IFT52: variants seen among roughly 807,000 people sequenced by gnomAD.
IFT52 encodes the protein intraflagellar transport 52.
IFT52 carries 44 observed loss-of-function variants against 54.4 expected under a neutral mutation model. That is an observed-to-expected ratio of 0.81 (90% CI 0.63 to 1.04). The LOEUF is 1.04. Ranked by LOEUF, IFT52 falls within the 50% of genes least tolerant of loss-of-function variation. The pLI is 0.00. For synonymous variants in IFT52, 181 were observed against 185.3 expected (o/e 0.98, Z 0.19); for missense variants, 452 against 523.6 (o/e 0.86, Z 1.33).
At chr20:43,614,970 G>A (rs969631001) in intron 7 of IFT52, among the ~76,000 whole-genome samples, 74 of 151,306 alleles carry the variant, frequency 4.9e-4, no homozygotes, top group South Asian at 2.1e-4. Context: ...CACCAAGCAT[G>A]GCTAATTTTT....
chr20:43,621,542 A>G (rs1226139661), intron 9 of IFT52, among the ~76,000 whole-genome samples: 1 of 152,208 alleles, frequency 6.6e-6, no homozygotes, highest in African/African-American at 2.4e-5. Context: ...AGCTCACTGC[A>G]ACCTCTGTCT....
At chr20:43,634,777 C>T (rs1049243747) in intron 10 of IFT52, among the ~76,000 whole-genome samples, 6 of 151,902 alleles carry the variant, frequency 3.9e-5, no homozygotes, top group African/African-American at 1.2e-4. Context: ...TTATTTTTCC[C>T]GATCCTCTCC....
chr20:43,622,944 A>G (rs908052178), intron 9 of IFT52, among the ~76,000 whole-genome samples: 1 of 151,886 alleles, frequency 6.6e-6, no homozygotes, highest in African/African-American at 2.4e-5. Context: ...GCTCTCAGCA[A>G]TGCTGGAGGG....
intron 13 of IFT52, 27 bp downstream of exon 13, chr20:43,642,651 G>A: frequency 6.2e-7 from 1 of 1,609,536 alleles, no homozygotes; most frequent in Non-Finnish European, 8.5e-7. Context: ...GCACAGTGTA[G>A]TGGGAGCCCC....
At position 43,623,946 on chromosome 20, in the gene IFT52, A is replaced by G. The variant is rs1392876829; in HGVS notation, c.824A>G (p.Glu275Gly). The stretch of plus-strand genomic sequence containing the variant: ...GCCACCCTATCAAAGCGGAATCGAG[A>G]GTGTCTCCAGGAGAGTGATGAGATC... ...YTATLSKRNR[E>G]CLQESDEIPR... Residue 275 changes from glutamate to glycine, a missense_variant, in exon 10 of 14, where the codon GAG becomes GGG. By Grantham distance (98) the Glu-to-Gly change is moderately conservative. Transcript: ENST00000373030. 31 of 1,613,996 alleles carry G rather than the reference A, an allele frequency of 1.9e-5. No homozygotes were observed. Among genetic ancestry groups the G allele is most frequent in the Non-Finnish European group, 2.4e-5 (28 of 1,180,046 alleles).
rs2145214 is a variant in IFT52 at position 43,608,427 on chromosome 20, C to G, written c.485+3354C>G. ...TTAAATTATTAGTGCATAGGATGAC[C>G]TTTAAAGTCTATTGGCTGATTGTAT... On this transcript the variant is annotated intron_variant, in intron 6 of 13. Transcript: ENST00000373030. 4.5e-3 allele frequency among the ~76,000 whole-genome samples: 688 copies of G among 152,084 alleles called. 3 individuals are homozygous for G. The highest frequency in any genetic ancestry group is 6.7e-3 in the Non-Finnish European group (454 of 68,010).
intron 4 of IFT52, 55 bp from the exon 5 acceptor site, chr20:43,604,127 TA>T: frequency 7.1e-7 from 1 of 1,408,304 alleles, no homozygotes; most frequent in Non-Finnish European, 1.0e-6. Context: ...TATGAGTCTA[TA>T]ATATCGAATT....
intron 6 of IFT52, among the ~76,000 whole-genome samples, chr20:43,607,265 A>C (rs1446557114): frequency 4.1e-5 from 5 of 123,026 alleles, no homozygotes; most frequent in Admixed American, 2.3e-4. Flanking sequence ...CGGGGGGCTG[A>C]CCCCCCCACC....
intron 6 of IFT52, 32 bp downstream of exon 6, chr20:43,605,105 G>A: frequency 6.2e-7 from 1 of 1,607,468 alleles, no homozygotes; most frequent in Non-Finnish European, 8.5e-7. Context: ...ACATGAGGAA[G>A]ATGTATCATT....
chr20:43,642,747 G>T (rs1339990223), intron 13 of IFT52, 123 bp downstream of exon 13: 2 of 917,102 alleles, frequency 2.2e-6, no homozygotes, highest in Non-Finnish European at 1.6e-6. Flanking sequence ...GCATCTACTA[G>T]GTGAACAAAA....
At chr20:43,599,161 A>T (rs746063841) in intron 3 of IFT52, among the ~76,000 whole-genome samples, 2 of 152,186 alleles carry the variant, frequency 1.3e-5, no homozygotes, top group Admixed American at 6.5e-5. Flanking sequence ...ATATGTACAC[A>T]CAGAGGGCAG....
chr20:43,624,151 C>A, intron 10 of IFT52, 106 bp downstream of exon 10: 1 of 1,203,656 alleles, frequency 8.3e-7, no homozygotes, highest in Non-Finnish European at 1.2e-6. Flanking sequence ...ATGTGGCATG[C>A]AGAACATGTT....
intron 2 of IFT52, 42 bp downstream of exon 2, chr20:43,594,859 G>T (rs761525993): frequency 1.9e-5 from 19 of 1,005,278 alleles, no homozygotes; most frequent in Non-Finnish European, 2.7e-5. Flanking sequence ...AAATGATATT[G>T]TCCTGCTGAT....
At chr20:43,614,029 T>TA in intron 7 of IFT52, 53 bp downstream of exon 7, 1 of 1,497,936 alleles carries the variant, frequency 6.7e-7, no homozygotes, top group Non-Finnish European at 9.2e-7. Flanking sequence ...GTTGAAATAA[T>TA]AAAAACCACC....
At chr20:43,600,543 A>G (rs1982353649) in intron 3 of IFT52, among the ~76,000 whole-genome samples, 1 of 151,950 alleles carries the variant, frequency 6.6e-6, no homozygotes, top group East Asian at 1.9e-4. Context: ...TGGCCTTGTG[A>G]TCCGCCCGCC....
At chr20:43,599,653 C>G (rs773676969) in intron 3 of IFT52, among the ~76,000 whole-genome samples, 1 of 152,146 alleles carries the variant, frequency 6.6e-6, no homozygotes, top group Non-Finnish European at 1.5e-5. Flanking sequence ...TAGACTGTTA[C>G]CCCTGGAGAG....
At chr20:43,601,636 G>T (rs1290430508) in intron 3 of IFT52, among the ~76,000 whole-genome samples, 1 of 152,090 alleles carries the variant, frequency 6.6e-6, no homozygotes, top group African/African-American at 2.4e-5. Context: ...ACAAATCCCA[G>T]AACCACATAA....
At position 43,647,215 on chromosome 20, in the gene IFT52, A is replaced by G. The variant is rs1044799714; in HGVS notation, c.*232A>G. The G allele has an allele frequency of 3.6e-5, 20 of 554,996 alleles. No individual in the cohort carries two copies. The Admixed American group carries it at 6.4e-4, about 18-fold the overall frequency. 34.4% of individuals were successfully genotyped at this position (554,996 alleles called of 1,614,324 possible). A position where few individuals can be genotyped will look rare whatever the true frequency, so the allele number is the denominator to read the frequency against. ...AATGTATGGTTGCATCTGTCTTTTT[A>G]TACCCTATGAAACAGTCTTGATTTT... is the stretch of plus-strand genomic sequence containing the variant. On this transcript the variant is annotated 3_prime_UTR_variant, in exon 14 of 14. Coordinates refer to ENST00000373030, the MANE Select transcript of IFT52 (RefSeq NM_016004.5).
intron 12 of IFT52, among the ~76,000 whole-genome samples, chr20:43,641,168 A>G (rs888915966): frequency 1.5e-4 from 22 of 151,328 alleles, no homozygotes; most frequent in Non-Finnish European, 2.1e-4. Flanking sequence ...ATTATGGGTG[A>G]TTTTTTTCTT....
Sources: gnomAD v4.1 joint callset for allele counts (sites outside exome capture counted in the v4.1 genomes callset) on GRCh38, gnomAD v4.1.1 for gene constraint, MANE v1.5 for transcripts, NCBI Gene and HGNC (gene_info 2026-07-23, HGNC 2026-07-21) for gene names.